FAM178B: variants seen among roughly 807,000 people sequenced by gnomAD.
FAM178B encodes the protein protein FAM178B.
FAM178B carries 82 observed loss-of-function variants against 91.7 expected under a neutral mutation model. The ratio of observed to expected loss-of-function variants is 0.89; its 90% CI spans 0.75 to 1.07. FAM178B has a LOEUF of 1.07. Among genes scored for constraint, FAM178B ranks in the 50% least tolerant of loss-of-function variants. The pLI, the probability that FAM178B is intolerant of heterozygous loss-of-function variation, is 0.00. For missense variants in FAM178B, 769 were observed against 846.7 expected (o/e 0.91, Z 1.14); for synonymous variants, 368 against 359.4 (o/e 1.02, Z -0.27).
At chr2:96,979,417 G>T (rs1321284389) in intron 1 of FAM178B, among the ~76,000 whole-genome samples, 2 of 151,216 alleles carry the variant, frequency 1.3e-5, no homozygotes, top group Non-Finnish European at 2.9e-5. Flanking sequence ...GGCCAAGCTG[G>T]TCTCAAACTC....
chr2:96,973,691 T>A (rs939475612), intron 1 of FAM178B, among the ~76,000 whole-genome samples: 1 of 152,178 alleles, frequency 6.6e-6, no homozygotes, highest in East Asian at 1.9e-4. Context: ...CAATAAATAA[T>A]CAAAACATTA....
intron 7 of FAM178B, among the ~76,000 whole-genome samples, chr2:96,949,562 A>AGAAG (rs1281907914): frequency 1.3e-5 from 2 of 152,114 alleles, no homozygotes; most frequent in African/African-American, 2.4e-5. Flanking sequence ...CTGGGACCTC[A>AGAAG]GGAACCACCC....
At chr2:96,935,192 A>C (rs908132161) in intron 8 of FAM178B, among the ~76,000 whole-genome samples, 2 of 152,234 alleles carry the variant, frequency 1.3e-5, no homozygotes, top group Non-Finnish European at 2.9e-5. Flanking sequence ...AAACAAAAAC[A>C]AAAGAAAAAA....
intron 8 of FAM178B, among the ~76,000 whole-genome samples, chr2:96,930,293 G>A (rs1330151924): frequency 1.3e-5 from 2 of 149,024 alleles, no homozygotes; most frequent in Non-Finnish European, 3.0e-5. Context: ...CAGGTACTCA[G>A]GGCCTTTTTT....
chr2:96,902,211 T>C (rs1234531755), intron 13 of FAM178B, among the ~76,000 whole-genome samples: 1 of 151,844 alleles, frequency 6.6e-6, no homozygotes, highest in Non-Finnish European at 1.5e-5. Context: ...GTTCACGCCA[T>C]TCTCCTGCCT....
At chr2:96,931,418 C>A (rs2081536778) in intron 8 of FAM178B, among the ~76,000 whole-genome samples, 1 of 152,182 alleles carries the variant, frequency 6.6e-6, no homozygotes, top group Non-Finnish European at 1.5e-5. Context: ...AGGTACAGAG[C>A]CTTCTCAGAG....
At chr2:96,955,520 GA>G (rs1185149450) in intron 6 of FAM178B, among the ~76,000 whole-genome samples, 8 of 134,128 alleles carry the variant, frequency 6.0e-5, no homozygotes, top group Non-Finnish European at 1.1e-4. Flanking sequence ...CAAAAAAAAA[GA>G]AAAAAAAAAT....
chr2:96,969,088 C>A (rs1009131194), intron 4 of FAM178B, among the ~76,000 whole-genome samples: 1 of 152,232 alleles, frequency 6.6e-6, no homozygotes, highest in Non-Finnish European at 1.5e-5. Context: ...CTGGGCTCCT[C>A]CACGGCAACA....
At chr2:96,894,897 C>T (rs977610628) in intron 13 of FAM178B, among the ~76,000 whole-genome samples, 2 of 135,288 alleles carry the variant, frequency 1.5e-5, no homozygotes. Flanking sequence ...CCCCACAGAC[C>T]CTCACCCACA....
At position 96,972,979 on chromosome 2, in the gene FAM178B, G is replaced by A. The variant is rs537459697; in HGVS notation, c.74-373C>T. Among the ~76,000 whole-genome samples the A allele has an allele frequency of 1.6e-4, 25 of 151,838 alleles. No individual in the cohort carries two copies. In the South Asian group the frequency reaches 3.3e-3, roughly 20 times the overall value. On this transcript the variant is annotated intron_variant, in intron 1 of 16. Transcript: ENST00000490605. ...ATTACAGACATGCGCCAAGGTGGAC[G>A]GATCACCTGAGGTCAGGAGGTCAAG...
rs1360349332 is a variant in FAM178B at position 96,976,666 on chromosome 2, G to A, written c.74-4060C>T. Among the ~76,000 whole-genome samples, 4 of 151,400 alleles carry A rather than the reference G, an allele frequency of 2.6e-5. 1 individual carries two copies. Among genetic ancestry groups the A allele is most frequent in the South Asian group, 4.2e-4 (2 of 4,772 alleles). On this transcript the variant is annotated intron_variant, in intron 1 of 16. Transcript: ENST00000490605. The stretch of plus-strand genomic sequence containing the variant: ...TCAAGACCAGCCTGGCCAACATGGC[G>A]AAACCCCATCTTTACTAAAAATACA...
intron 5 of FAM178B, among the ~76,000 whole-genome samples, chr2:96,960,648 T>G (rs549442483): frequency 4.0e-4 from 61 of 152,294 alleles, no homozygotes; most frequent in Admixed American, 2.5e-3. Context: ...CAATAAGGCC[T>G]ATCCCTTGCT....
chr2:96,969,835 C>T (rs1667631527), intron 4 of FAM178B, among the ~76,000 whole-genome samples: 1 of 152,186 alleles, frequency 6.6e-6, no homozygotes, highest in Non-Finnish European at 1.5e-5. Flanking sequence ...CAAGAATGGA[C>T]CAAAGAATAA....
intron 12 of FAM178B, among the ~76,000 whole-genome samples, chr2:96,903,669 G>C (rs1219013913): frequency 2.6e-5 from 4 of 152,200 alleles, no homozygotes; most frequent in African/African-American, 7.2e-5. Context: ...AAGCCACAGG[G>C]AGGCAAAGAG....
intron 8 of FAM178B, among the ~76,000 whole-genome samples, chr2:96,940,772 A>G (rs891920006): frequency 2.0e-5 from 3 of 152,234 alleles, no homozygotes; most frequent in African/African-American, 7.2e-5. Flanking sequence ...AAGTGTATAC[A>G]TTATACACTT....
intron 12 of FAM178B, among the ~76,000 whole-genome samples, chr2:96,913,209 G>C (rs1222140010): frequency 6.6e-6 from 1 of 152,210 alleles, no homozygotes; most frequent in African/African-American, 2.4e-5. Context: ...TTTGTCTAGT[G>C]GGGGTGGCTG....
intron 12 of FAM178B, among the ~76,000 whole-genome samples, chr2:96,906,850 C>G (rs2081065970): frequency 6.6e-6 from 1 of 152,214 alleles, no homozygotes; most frequent in Non-Finnish European, 1.5e-5. Context: ...CTGAGCTGCT[C>G]CACAGTGAAC....
At chr2:96,882,568 C>T (rs1052865095) in intron 14 of FAM178B, among the ~76,000 whole-genome samples, 2 of 152,236 alleles carry the variant, frequency 1.3e-5, no homozygotes, top group Admixed American at 6.5e-5. Flanking sequence ...TACAGAGGCA[C>T]GGTTCATCTT....
chr2:96,909,585 G>A (rs555573793), intron 12 of FAM178B, among the ~76,000 whole-genome samples: 1 of 152,278 alleles, frequency 6.6e-6, no homozygotes, highest in East Asian at 1.9e-4. Flanking sequence ...TTTCAAGTGC[G>A]ACACTCGGAG....
Sources: gnomAD v4.1 joint callset for allele counts (sites outside exome capture counted in the v4.1 genomes callset) on GRCh38, gnomAD v4.1.1 for gene constraint, MANE v1.5 for transcripts, NCBI Gene and HGNC (gene_info 2026-07-23, HGNC 2026-07-21) for gene names.